SHB: variants seen among roughly 807,000 people sequenced by gnomAD.
SHB encodes SH2 domain containing adaptor protein B.
In SHB, 20 loss-of-function variants were observed where a neutral mutation model predicts 52.3. The observed-to-expected ratio is 0.38, with a 90% CI of 0.27 to 0.56. The LOEUF (loss-of-function observed/expected upper bound fraction) is 0.56, where lower values mean the gene tolerates loss of function less well. Ranked by LOEUF, SHB falls within the 20% of genes least tolerant of loss-of-function variation. SHB has a pLI of 0.71. For missense variants in SHB, 825 were observed against 723.3 expected (o/e 1.14, Z -1.61); for synonymous variants, 397 against 316.5 (o/e 1.25, Z -2.70).
chr9:37,989,681 T>C (rs1412872611), intron 2 of SHB, among the ~76,000 whole-genome samples: 3 of 152,234 alleles, frequency 2.0e-5, no homozygotes, highest in Admixed American at 6.5e-5. Context: ...ACAGTTACTA[T>C]GTCTCCACTT....
At chr9:37,979,917 T>TA (rs949806070) in intron 2 of SHB, among the ~76,000 whole-genome samples, 4 of 152,216 alleles carry the variant, frequency 2.6e-5, no homozygotes, top group African/African-American at 9.6e-5. Context: ...ACCACTGCCT[T>TA]AAAAAAATGT....
At position 38,068,158 on chromosome 9, in the gene SHB, C is replaced by A. The variant is rs1308209675; in HGVS notation, c.488G>T (p.Arg163Leu). The A allele has an allele frequency of 6.9e-7, 1 of 1,443,462 alleles. No individual in the cohort carries two copies. The highest frequency in any genetic ancestry group is 9.0e-7 in the Non-Finnish European group (1 of 1,111,188). 89.4% of individuals were successfully genotyped at this position (1,443,462 alleles called of 1,614,324 possible). A position where few individuals can be genotyped will look rare whatever the true frequency, so the allele number is the denominator to read the frequency against. Residue 163 changes from arginine (R) to leucine (L), a missense_variant, in exon 1 of 6, where the codon CGC becomes CTC. Arg to Leu is a moderately radical substitution (Grantham distance 102). Coordinates refer to ENST00000377707, the MANE Select transcript of SHB (RefSeq NM_003028.3). ...SSSSGSPHLYRSSSERRPATP... is the reference protein window; with the variant it reads ...SSSSGSPHLYLSSSERRPATP... The stretch of plus-strand genomic sequence containing the variant: ...GGCGGGCCGCCGCTCGCTGCTGCTG[C>A]GGTAGAGATGCGGAGAGCCGGAGGA...
intron 5 of SHB, among the ~76,000 whole-genome samples, chr9:37,928,155 C>T (rs976758044): frequency 2.6e-5 from 4 of 152,228 alleles, no homozygotes; most frequent in African/African-American, 7.2e-5. Context: ...GAGGGGATCC[C>T]TTCAGTGCTG....
intron 1 of SHB, among the ~76,000 whole-genome samples, chr9:38,048,332 T>C (rs932104684): frequency 6.6e-6 from 1 of 152,242 alleles, no homozygotes; most frequent in Admixed American, 6.5e-5. Flanking sequence ...TCATTTTTTA[T>C]ATCCTGCGTT....
intron 1 of SHB, among the ~76,000 whole-genome samples, chr9:38,048,092 T>C (rs973470291): frequency 6.6e-6 from 1 of 152,226 alleles, no homozygotes; most frequent in Non-Finnish European, 1.5e-5. Flanking sequence ...GGAGAGCCTG[T>C]GCTCCCTTAC....
chr9:37,991,510 T>G (rs1820881749), intron 2 of SHB, among the ~76,000 whole-genome samples: 1 of 152,256 alleles, frequency 6.6e-6, no homozygotes, highest in South Asian at 2.1e-4. Flanking sequence ...AACTCCAAGA[T>G]GTACATTTTA....
chr9:38,015,882 C>G lies in SHB; in HGVS notation c.838+129G>C, dbSNP rs3802411. Reference sequence around the variant, plus strand: ...GGGAAGACTTAATACAGCATTGCTCCCACCTACCAACTTGAAAGCACACAC... The same window carrying G: ...GGGAAGACTTAATACAGCATTGCTCGCACCTACCAACTTGAAAGCACACAC... On this transcript the variant is annotated intron_variant, in intron 2 of 5. Coordinates refer to ENST00000377707, the MANE Select transcript of SHB (RefSeq NM_003028.3). 90 of 862,604 alleles carry G rather than the reference C, an allele frequency of 1.0e-4. No individual in the cohort carries two copies. The East Asian group carries it at 2.1e-3, about 20-fold the overall frequency. 53.4% of individuals were successfully genotyped at this position (862,604 alleles called of 1,614,324 possible). A position where few individuals can be genotyped will look rare whatever the true frequency, so the allele number is the denominator to read the frequency against.
At chr9:38,040,314 T>C (rs975970714) in intron 1 of SHB, among the ~76,000 whole-genome samples, 5 of 152,098 alleles carry the variant, frequency 3.3e-5, no homozygotes, top group Admixed American at 3.3e-4. Context: ...AAGACAGAGA[T>C]GATGGTCCGC....
chr9:38,029,456 G>C (rs1048529251), intron 1 of SHB, among the ~76,000 whole-genome samples: 1 of 151,928 alleles, frequency 6.6e-6, no homozygotes, highest in Non-Finnish European at 1.5e-5. Context: ...ATAATACCAA[G>C]ACCTACCCTC....
At chr9:37,982,974 C>CCCCG (rs1554702662) in intron 2 of SHB, among the ~76,000 whole-genome samples, 13 of 31,962 alleles carry the variant, frequency 4.1e-4, no homozygotes, top group South Asian at 8.3e-4. Context: ...CTCTCTGGTG[C>CCCCG]CCCCCCCTCC....
chr9:38,045,649 C>CAT (rs1401196269), intron 1 of SHB, among the ~76,000 whole-genome samples: 1 of 152,116 alleles, frequency 6.6e-6, no homozygotes, highest in East Asian at 1.9e-4. Flanking sequence ...AATTTGACAA[C>CAT]ATATCAATTT....
chr9:38,023,680 T>G (rs568479722), intron 1 of SHB, among the ~76,000 whole-genome samples: 169 of 152,298 alleles, frequency 1.1e-3, no homozygotes, highest in African/African-American at 3.9e-3. Context: ...TTTCCTGCTT[T>G]GGGTAAGATT....
chr9:37,948,820 T>C, intron 4 of SHB, 66 bp from the exon 5 acceptor site: 2 of 1,598,350 alleles, frequency 1.3e-6, no homozygotes, highest in East Asian at 4.5e-5. Context: ...TGACCTGCCT[T>C]GGGAGACTCA....
chr9:37,991,631 C>A (rs1315766759), intron 2 of SHB, among the ~76,000 whole-genome samples: 1 of 152,202 alleles, frequency 6.6e-6, no homozygotes, highest in African/African-American at 2.4e-5. Context: ...TCCCTAAAAA[C>A]ACAGCTACAA....
chr9:37,955,516 T>G (rs1832618545), intron 4 of SHB, among the ~76,000 whole-genome samples: 1 of 152,162 alleles, frequency 6.6e-6, no homozygotes, highest in Admixed American at 6.5e-5. Flanking sequence ...CTCGCTCTGT[T>G]GCCCAGGCTC....
At chr9:38,006,928 C>T (rs771951963) in intron 2 of SHB, among the ~76,000 whole-genome samples, 3 of 152,226 alleles carry the variant, frequency 2.0e-5, no homozygotes, top group Non-Finnish European at 4.4e-5. Flanking sequence ...GACAAGTCTC[C>T]ACTCAGCTCC....
At chr9:37,933,198 C>T (rs1029490248) in intron 5 of SHB, among the ~76,000 whole-genome samples, 1 of 152,178 alleles carries the variant, frequency 6.6e-6, no homozygotes. Context: ...GGTGGAAAAA[C>T]TCCCAATAGT....
At chr9:37,923,897 C>T (rs1042677570) in intron 5 of SHB, among the ~76,000 whole-genome samples, 5 of 152,186 alleles carry the variant, frequency 3.3e-5, no homozygotes, top group South Asian at 2.1e-4. Flanking sequence ...CCCCGCATCC[C>T]GAGCCAGCTG....
chr9:37,976,366 A>G (rs1358406816), intron 2 of SHB, among the ~76,000 whole-genome samples: 2 of 152,140 alleles, frequency 1.3e-5, no homozygotes, highest in East Asian at 3.9e-4. Flanking sequence ...TGATTAACGT[A>G]CAGTTCAGTG....
Sources: allele counts gnomAD v4.1 joint callset (sites outside exome capture counted in the v4.1 genomes callset), GRCh38; gene constraint gnomAD v4.1.1; transcripts MANE v1.5; gene names NCBI Gene and HGNC (gene_info 2026-07-23, HGNC 2026-07-21).